SPATA9: variants seen among roughly 807,000 people sequenced by gnomAD.
The protein encoded by SPATA9 is spermatogenesis associated 9, also known as spermatogenesis-associated protein 9.
Under a neutral mutation model 25.5 loss-of-function variants are expected in SPATA9, and 27 were observed. The observed-to-expected ratio is 1.06, with a 90% confidence interval of 0.78 to 1.46. The LOEUF is 1.46. Among genes scored for constraint, SPATA9 ranks in the 40% most tolerant of loss-of-function variants. The pLI, the probability that SPATA9 is intolerant of heterozygous loss-of-function variation, is 0.00. For synonymous variants in SPATA9, 102 were observed against 105.7 expected (o/e 0.97, Z 0.21); for missense variants, 282 against 297.5 (o/e 0.95, Z 0.38).
intron 3 of SPATA9, among the ~76,000 whole-genome samples, chr5:95,668,312 A>C (rs1752026842): frequency 6.6e-6 from 1 of 152,222 alleles, no homozygotes; most frequent in Non-Finnish European, 1.5e-5. Flanking sequence ...GGTCATATTT[A>C]AATATTTTAA....
intron 3 of SPATA9, chr5:95,674,675 C>G (rs776974578): frequency 4.6e-5 from 20 of 435,986 alleles, no homozygotes; most frequent in Non-Finnish European, 7.8e-5. Flanking sequence ...CGGAAGGTAT[C>G]GTTTGAATAC....
the SPATA9 span, among the ~76,000 whole-genome samples, chr5:95,704,470 TTTATAA>T: frequency 1.3e-5 from 2 of 152,140 alleles, no homozygotes; most frequent in Non-Finnish European, 2.9e-5. Context: ...CCACTTAACT[TTTATAA>T]TTATTTTATT....
chr5:95,729,853 C>G, the SPATA9 span, among the ~76,000 whole-genome samples: 18 of 152,306 alleles, frequency 1.2e-4, 1 homozygote, highest in South Asian at 3.7e-3. Flanking sequence ...GAATTTTCTT[C>G]TTTTTTAAAC....
At chr5:95,693,981 C>A (rs114446413) in intron 1 of SPATA9, among the ~76,000 whole-genome samples, 1 of 152,024 alleles carries the variant, frequency 6.6e-6, no homozygotes, top group African/African-American at 2.4e-5. Context: ...GGTAACACAG[C>A]GAGACCCCAT....
At chr5:95,688,519 T>C (rs904420420) in intron 1 of SPATA9, among the ~76,000 whole-genome samples, 2 of 152,170 alleles carry the variant, frequency 1.3e-5, no homozygotes, top group African/African-American at 2.4e-5. Flanking sequence ...CCTAATATGC[T>C]TGGATTACAG....
intron 3 of SPATA9, among the ~76,000 whole-genome samples, chr5:95,665,495 T>G (rs1035389055): frequency 6.6e-6 from 1 of 152,234 alleles, no homozygotes; most frequent in Non-Finnish European, 1.5e-5. Context: ...TTTCTGTGCC[T>G]GGCTTATTTC....
At chr5:95,703,943 T>A in the SPATA9 span, among the ~76,000 whole-genome samples, 1 of 152,316 alleles carries the variant, frequency 6.6e-6, no homozygotes, top group African/African-American at 2.4e-5. Flanking sequence ...TTTCATTTTA[T>A]ACCACAATCA....
upstream of SPATA9, among the ~76,000 whole-genome samples, chr5:95,700,251 G>T (rs1754142297): frequency 6.6e-6 from 1 of 151,802 alleles, no homozygotes; most frequent in Non-Finnish European, 1.5e-5. Context: ...GATAGTAGTG[G>T]GTGCCCATTT....
chr5:95,698,248 G>A (rs758896467), intron 1 of SPATA9, among the ~76,000 whole-genome samples: 2 of 152,326 alleles, frequency 1.3e-5, no homozygotes, highest in Admixed American at 6.5e-5. Flanking sequence ...AGGAGGAAAC[G>A]TGGGAGAGGA....
intron 1 of SPATA9, among the ~76,000 whole-genome samples, chr5:95,693,664 A>G (rs1409788516): frequency 6.6e-6 from 1 of 152,206 alleles, no homozygotes; most frequent in Non-Finnish European, 1.5e-5. Context: ...GAAAAAGTTA[A>G]CTATATATAA....
At chr5:95,658,114 T>A (rs1750884210), downstream of SPATA9, 1 of 152,374 alleles carries the variant, frequency 6.6e-6, no homozygotes, top group African/African-American at 2.4e-5. Flanking sequence ...CATTGGTAAG[T>A]AATATTTTGT....
chr5:95,653,107 C>T (rs1275116458), exon 9 of SPATA9: 8 of 1,550,922 alleles, frequency 5.2e-6, no homozygotes, highest in Admixed American at 3.9e-5. Context: ...TGTATTTGCT[C>T]TTCTTTCAGT....
At chr5:95,655,049 GTC>G (rs148372438), downstream of SPATA9, among the ~76,000 whole-genome samples, 1,956 of 151,782 alleles carry the variant, frequency 0.013, 53 homozygotes, top group African/African-American at 0.045. Context: ...CATGAAATTG[GTC>G]TCTCTCTCTC....
chr5:95,702,532 C>T (rs532875850), upstream of SPATA9, among the ~76,000 whole-genome samples: 5 of 152,234 alleles, frequency 3.3e-5, no homozygotes, highest in South Asian at 4.1e-4. Flanking sequence ...ATTTGCTGCT[C>T]TTAGATATAT....
At chr5:95,658,957 C>G in intron 4 of SPATA9, 44 bp from the exon 5 acceptor site, 1 of 1,541,190 alleles carries the variant, frequency 6.5e-7, no homozygotes, top group Non-Finnish European at 8.7e-7. Context: ...TCTTTTTAAG[C>G]TACTAACCAC....
intron 1 of SPATA9, among the ~76,000 whole-genome samples, chr5:95,690,095 C>G (rs10035169): frequency 0.15 from 22,908 of 151,800 alleles, 1,984 homozygotes; most frequent in African/African-American, 0.24. Context: ...TGCTTAATAC[C>G]TGGGTAATGA....
the SPATA9 span, chr5:95,717,824 T>C: frequency 6.6e-6 from 1 of 152,208 alleles, no homozygotes; most frequent in Non-Finnish European, 1.5e-5. Flanking sequence ...GGTGAGAAGA[T>C]TGATTTAGAA....
intron 4 of SPATA9, chr5:95,659,231 A>G (rs1444723637): frequency 4.6e-6 from 1 of 217,808 alleles, no homozygotes; most frequent in African/African-American, 2.3e-5. Flanking sequence ...TTTCTGAGAG[A>G]TGGAATTTGT....
chr5:95,682,546 T>A lies in SPATA9; in HGVS notation c.132A>T (p.Arg44Ser), dbSNP rs1440361782. Reference sequence around the variant, plus strand: ...ACATTACCTGATTAGACTGTGATAATCTTAGGATGGTGGGAAATTCATCTT... The same window carrying A: ...ACATTACCTGATTAGACTGTGATAAACTTAGGATGGTGGGAAATTCATCTT... ...EFKDEFPTIL[R>S]LSQSNQKREP... Residue 44 changes from arginine (R) to serine (S), a missense_variant, in exon 2 of 5, where the codon AGA becomes AGT. Transcript: ENST00000274432. The A allele has an allele frequency of 1.2e-6, 2 of 1,611,916 alleles. No individual in the cohort carries two copies. Among genetic ancestry groups the A allele is most frequent in the Admixed American group, 3.3e-5 (2 of 59,980 alleles).
Sources: allele counts gnomAD v4.1 joint callset (sites outside exome capture counted in the v4.1 genomes callset), GRCh38; gene constraint gnomAD v4.1.1; transcripts MANE v1.5; gene names NCBI Gene and HGNC (gene_info 2026-07-23, HGNC 2026-07-21).